The following EML4 variants were observed in gnomAD, a reference collection of about 807,000 sequenced individuals.
EML4 encodes echinoderm microtubule-associated protein-like 4.
EML4 carries 72 observed loss-of-function variants against 129.0 expected under a neutral mutation model. The observed-to-expected ratio is 0.56, with a 90% CI of 0.46 to 0.68. The LOEUF (loss-of-function observed/expected upper bound fraction) is 0.68, where lower values mean the gene tolerates loss of function less well. Ranked by LOEUF, EML4 falls within the 30% of genes least tolerant of loss-of-function variation. The pLI is 0.00. For missense variants in EML4, 1,363 were observed against 1,190.6 expected (o/e 1.14, Z -2.13); for synonymous variants, 532 against 405.0 (o/e 1.31, Z -3.77).
Position 42,301,287 on chromosome 2 carries a change from G to A in EML4, c.1536G>A (p.Val512=). Reference sequence around the variant, plus strand: ...AAATCAAAGCTCATGATGGCAGTGTGTTCACACTTTGTCAGATGAGAAATG... The same window carrying A: ...AAATCAAAGCTCATGATGGCAGTGTATTCACACTTTGTCAGATGAGAAATG... ...SKQIKAHDGS[V]FTLCQMRNGM... The change falls in exon 14 of 23, where the codon GTG becomes GTA. Residue 512 remains valine, a synonymous_variant. Coordinates refer to ENST00000318522, the MANE Select transcript of EML4 (RefSeq NM_019063.5). 1 of 1,613,252 alleles carries A rather than the reference G, an allele frequency of 6.2e-7. No individual in the cohort carries two copies. Among genetic ancestry groups the A allele is most frequent in the Non-Finnish European group, 8.5e-7 (1 of 1,179,616 alleles).
intron 1 of EML4, among the ~76,000 whole-genome samples, chr2:42,236,749 G>C (rs1039992971): frequency 3.3e-5 from 5 of 152,044 alleles, no homozygotes; most frequent in Admixed American, 2.0e-4. Flanking sequence ...TCCCCCTAAA[G>C]TCATTGAAAC....
chr2:42,277,865 C>T (rs1666746757), intron 6 of EML4, among the ~76,000 whole-genome samples: 1 of 152,130 alleles, frequency 6.6e-6, no homozygotes, highest in Non-Finnish European at 1.5e-5. Flanking sequence ...CCATGCCCAG[C>T]CCAAGCAAAC....
In EML4 at chr2:42,329,904, A is replaced by G; in HGVS notation, c.2643A>G (p.Leu881=). The change falls in exon 23 of 23, where the codon CTA becomes CTG. Residue 881 remains leucine, a synonymous_variant. Transcript: ENST00000318522. The stretch of plus-strand genomic sequence containing the variant: ...ATGAGACTGTAGCGGATACTACTCT[A>G]ACCAAAGCCCCCGTCTCTTCCACTG... The part of the protein sequence containing the change: ...PQNETVADTT[L]TKAPVSSTES... The G allele has an allele frequency of 6.2e-7, 1 of 1,614,052 alleles. No individual in the cohort carries two copies. The highest frequency in any genetic ancestry group is 1.3e-5 in the African/African-American group (1 of 75,006).
intron 6 of EML4, among the ~76,000 whole-genome samples, chr2:42,271,460 G>A (rs1423236364): frequency 1.3e-5 from 2 of 152,018 alleles, no homozygotes; most frequent in African/African-American, 2.4e-5. Context: ...ATAATGTTGT[G>A]GTTAGTAGCA....
intron 19 of EML4, among the ~76,000 whole-genome samples, chr2:42,321,865 A>G (rs1202651348): frequency 6.6e-6 from 1 of 152,236 alleles, no homozygotes; most frequent in Non-Finnish European, 1.5e-5. Flanking sequence ...GAGAATAAAC[A>G]TAGCAACAAA....
At chr2:42,285,571 G>C (rs76080501) in intron 9 of EML4, among the ~76,000 whole-genome samples, 41 of 151,114 alleles carry the variant, frequency 2.7e-4, no homozygotes, top group Non-Finnish European at 4.3e-4. Flanking sequence ...GCCTGGATTA[G>C]AATCCTGACT....
intron 9 of EML4, among the ~76,000 whole-genome samples, chr2:42,284,958 AC>A (rs1216833149): frequency 6.6e-6 from 1 of 152,188 alleles, no homozygotes; most frequent in African/African-American, 2.4e-5. Flanking sequence ...GAAAACTGAT[AC>A]GCTCGTTACA....
chr2:42,261,224 C>T lies in EML4; in HGVS notation c.442C>T (p.Gln148Ter). 6.2e-7 allele frequency: 1 copy of T among 1,613,986 alleles called. No individual in the cohort carries two copies. Among genetic ancestry groups the T allele is most frequent in the South Asian group, 1.1e-5 (1 of 91,068 alleles). Residue 148 changes from glutamine (Q) to a stop codon, truncating the protein, a stop_gained, in exon 4 of 23, where the codon CAG becomes TAG. Coordinates refer to ENST00000318522, the MANE Select transcript of EML4 (RefSeq NM_019063.5). LOFTEE classifies it high-confidence loss of function. ...ACAAATTCGAGCATCACCTTCTCCC[C>T]AGCCCTCTTCACAACCTCTCCAAAT... is the stretch of plus-strand genomic sequence containing the variant. ...SPQIRASPSP[Q>*]PSSQPLQIHR...
At chr2:42,319,254 C>T (rs1357596435) in intron 19 of EML4, among the ~76,000 whole-genome samples, 2 of 152,114 alleles carry the variant, frequency 1.3e-5, no homozygotes, top group Non-Finnish European at 2.9e-5. Context: ...TCAGGTTTTT[C>T]ATTTCGTGTC....
At chr2:42,296,634 G>C (rs1558586090) in intron 13 of EML4, among the ~76,000 whole-genome samples, 1 of 152,134 alleles carries the variant, frequency 6.6e-6, no homozygotes, top group Non-Finnish European at 1.5e-5. Context: ...CACAGTGTCT[G>C]GCATTTGCTA....
intron 11 of EML4, among the ~76,000 whole-genome samples, chr2:42,290,737 A>C (rs1667592464): frequency 6.6e-6 from 1 of 152,130 alleles, no homozygotes; most frequent in African/African-American, 2.4e-5. Flanking sequence ...GTCTCAAAAA[A>C]ATTTTTTTTA....
chr2:42,237,179 C>T (rs912094728), intron 1 of EML4, among the ~76,000 whole-genome samples: 2 of 152,164 alleles, frequency 1.3e-5, no homozygotes, highest in Non-Finnish European at 2.9e-5. Context: ...AAGCAGTCCT[C>T]CTCCCTCGGC....
intron 2 of EML4, among the ~76,000 whole-genome samples, chr2:42,254,457 CAAA>C (rs1283231073): frequency 2.0e-5 from 2 of 102,484 alleles, no homozygotes. Context: ...GACTCTGTCT[CAAA>C]AAAAAAAAAA....
chr2:42,208,364 TTTTTA>T (rs949986904), intron 1 of EML4, among the ~76,000 whole-genome samples: 41 of 151,618 alleles, frequency 2.7e-4, no homozygotes, highest in African/African-American at 7.7e-4. Context: ...TATTAAAAAA[TTTTTA>T]TTTTATGTTA....
chr2:42,171,211 C>G (rs1050803526), intron 1 of EML4, among the ~76,000 whole-genome samples: 1 of 152,196 alleles, frequency 6.6e-6, no homozygotes, highest in Non-Finnish European at 1.5e-5. Flanking sequence ...GACCGAAAAA[C>G]TTGTCCTATA....
In EML4 at chr2:42,263,186, G is replaced by T; in HGVS notation, c.521G>T (p.Arg174Leu). ...KNATPTKSIK[R>L]PSPAEKSHNS... is the part of the protein sequence containing the mutation. ...ATTAATGTTCCTTCTAGCATAAAAC[G>T]ACCATCACCAGCTGAAAAGTCACAT... The change falls in exon 5 of 23, where the codon CGA (arginine) becomes CTA (leucine). Residue 174 changes from arginine (R) to leucine (L), a missense_variant. Arg to Leu is a moderately radical substitution (Grantham distance 102, BLOSUM62 -2). Coordinates refer to ENST00000318522, the MANE Select transcript of EML4 (RefSeq NM_019063.5). The T allele has an allele frequency of 1.2e-6, 2 of 1,610,436 alleles. No homozygotes were observed.
chr2:42,256,362 C>G (rs1304838886), intron 2 of EML4, 139 bp from the exon 3 acceptor site: 38 of 741,196 alleles, frequency 5.1e-5, no homozygotes, highest in Non-Finnish European at 7.9e-5. Flanking sequence ...TGGGGGCATT[C>G]TGCTCAAGAG....
intron 10 of EML4, among the ~76,000 whole-genome samples, chr2:42,287,843 A>T (rs1667394884): frequency 6.6e-6 from 1 of 152,172 alleles, no homozygotes; most frequent in African/African-American, 2.4e-5. Context: ...GAACAAAGTT[A>T]TGAAATTGTG....
intron 3 of EML4, among the ~76,000 whole-genome samples, chr2:42,260,158 C>T (rs1665636314): frequency 6.6e-6 from 1 of 151,660 alleles, no homozygotes; most frequent in Non-Finnish European, 1.5e-5. Flanking sequence ...AGCCACCACA[C>T]CCGGGCTCTG....
Sources: allele counts gnomAD v4.1 joint callset (sites outside exome capture counted in the v4.1 genomes callset), GRCh38; gene constraint gnomAD v4.1.1; transcripts MANE v1.5; gene names NCBI Gene and HGNC (gene_info 2026-07-23, HGNC 2026-07-21).